Variants in TTC5 observed in about 807,000 individuals in gnomAD.
TTC5 encodes tetratricopeptide repeat domain 5.
A neutral mutation model predicts 57.4 loss-of-function variants in TTC5; 46 were observed. The ratio of observed to expected loss-of-function variants is 0.80; its 90% CI spans 0.63 to 1.03. The LOEUF (loss-of-function observed/expected upper bound fraction) is 1.03, where lower values mean the gene tolerates loss of function less well. Ranked by LOEUF, TTC5 falls within the 50% of genes least tolerant of loss-of-function variation. The pLI, the probability that TTC5 is intolerant of heterozygous loss-of-function variation, is 0.00. For missense variants in TTC5, 504 were observed against 528.1 expected, an observed-to-expected ratio of 0.95 and a Z score of 0.45; for synonymous variants, 190 against 203.5, an observed-to-expected ratio of 0.93 and a Z score of 0.57.
chr14:20,303,475 T>C (rs747379652), intron 1 of TTC5, among the ~76,000 whole-genome samples: 2 of 152,196 alleles, frequency 1.3e-5, no homozygotes, highest in Non-Finnish European at 2.9e-5. Flanking sequence ...CAGAAAGATA[T>C]AATCACTTCC....
Position 20,299,353 on chromosome 14 carries a change from A to G in TTC5, c.492T>C (p.Ser164=). The G allele has an allele frequency of 6.2e-7, 1 of 1,614,162 alleles. No homozygotes were observed. The highest frequency in any genetic ancestry group is 2.2e-5 in the East Asian group (1 of 44,876). Residue 164 remains serine, a synonymous_variant, in exon 4 of 10, where the codon AGT becomes AGC. Transcript: ENST00000258821. ...EDEHSHHVMD[S]VRQAKLAVQM... is the part of the protein sequence containing the mutation. Reference sequence around the variant, plus strand: ...GAACAGCCAACTTAGCCTGTCGGACACTGTCCATGACATGGTGAGAATGTT... The same window carrying G: ...GAACAGCCAACTTAGCCTGTCGGACGCTGTCCATGACATGGTGAGAATGTT...
intron 9 of TTC5, among the ~76,000 whole-genome samples, chr14:20,290,806 T>TTTC (rs1226668274): frequency 2.6e-5 from 4 of 152,200 alleles, no homozygotes; most frequent in African/African-American, 9.7e-5. Flanking sequence ...CATCAAAGTA[T>TTTC]TTCTGCAAAG....
At chr14:20,295,906 A>C in intron 6 of TTC5, 52 bp from the exon 7 acceptor site, 1 of 1,484,282 alleles carries the variant, frequency 6.7e-7, no homozygotes, top group Non-Finnish European at 9.0e-7. Context: ...AACTATCCCG[A>C]GGGAATGGCA....
At chr14:20,297,722 G>A (rs1037880567) in intron 5 of TTC5, among the ~76,000 whole-genome samples, 7 of 151,616 alleles carry the variant, frequency 4.6e-5, no homozygotes, top group South Asian at 2.1e-4. Flanking sequence ...GCAGTGAGCC[G>A]AGATCGTGCC....
Position 20,301,975 on chromosome 14 carries a change from A to G in TTC5, c.52-10T>C, listed in dbSNP as rs1397490210. On this transcript the variant is annotated splice_polypyrimidine_tract_variant and intron_variant, in intron 1 of 9. Coordinates refer to ENST00000258821, the MANE Select transcript of TTC5 (RefSeq NM_138376.3). ...GCTGATCCACGAGTTCCTAAAAAGT[A>G]TGACAATGGAACCATTAAGTGGAAA... 1 of 1,613,748 alleles carries G rather than the reference A, an allele frequency of 6.2e-7. No homozygotes were observed.
At chr14:20,302,898 CTTTTT>C (rs1882220184) in intron 1 of TTC5, among the ~76,000 whole-genome samples, 1 of 147,570 alleles carries the variant, frequency 6.8e-6, no homozygotes, top group East Asian at 2.0e-4. Flanking sequence ...TTTTTTTTTT[CTTTTT>C]TAAAAGACAG....
chr14:20,300,141 A>ATGTATGTGTGTG (rs1555311661), intron 3 of TTC5, among the ~76,000 whole-genome samples: 3 of 27,478 alleles, frequency 1.1e-4, no homozygotes. Flanking sequence ...CGTCTGGTCC[A>ATGTATGTGTGTG]TGTATATATA....
intron 4 of TTC5, 69 bp from the exon 5 acceptor site, chr14:20,298,957 C>G: frequency 8.0e-7 from 1 of 1,246,028 alleles, no homozygotes; most frequent in East Asian, 2.3e-5. Context: ...TTTGATCATT[C>G]TTGAAAGTAT....
chr14:20,297,712 G>T (rs993617434), intron 5 of TTC5, among the ~76,000 whole-genome samples: 1 of 151,928 alleles, frequency 6.6e-6, no homozygotes, highest in Middle Eastern at 3.2e-3. Context: ...CACGGAGGTT[G>T]CAGTGAGCCG....
At chr14:20,299,507 T>C in intron 3 of TTC5, 59 bp from the exon 4 acceptor site, 1 of 1,556,236 alleles carries the variant, frequency 6.4e-7, no homozygotes, top group East Asian at 2.2e-5. Flanking sequence ...TTTCCAGATC[T>C]ATTCTGAACT....
chr14:20,304,023 CTGTT>C (rs1882242276), intron 1 of TTC5, among the ~76,000 whole-genome samples: 1 of 152,194 alleles, frequency 6.6e-6, no homozygotes, highest in Non-Finnish European at 1.5e-5. Flanking sequence ...CTCTCCTCTA[CTGTT>C]ATATCATACT....
At chr14:20,298,481 A>G (rs1882111078) in intron 5 of TTC5, among the ~76,000 whole-genome samples, 1 of 152,220 alleles carries the variant, frequency 6.6e-6, no homozygotes, top group African/African-American at 2.4e-5. Context: ...GTATTATTTT[A>G]ATAGACTTTT....
rs1243921269 is a variant in TTC5 at position 20,295,419 on chromosome 14, C to T, written c.951G>A (p.Val317=). Residue 317 remains valine, a synonymous_variant, in exon 8 of 10, where the codon GTG becomes GTA. Coordinates refer to ENST00000258821, the MANE Select transcript of TTC5 (RefSeq NM_138376.3). ...GHYQSASGQK[V]TLELKPLSTL... is the part of the protein sequence containing the mutation. ...TACTCAGTGGCTTGAGCTCCAGGGT[C>T]ACTTTCTGCCCAGAGGCTGACTGAT... 1.2e-6 allele frequency: 2 copies of T among 1,614,078 alleles called. No homozygotes were observed. The highest frequency in any genetic ancestry group is 1.7e-6 in the Non-Finnish European group (2 of 1,180,042).
chr14:20,289,595 C>T lies in TTC5; in HGVS notation c.*32G>A. 1.9e-6 allele frequency: 3 copies of T among 1,598,616 alleles called. No individual in the cohort carries two copies. Among genetic ancestry groups the T allele is most frequent in the South Asian group, 1.1e-5 (1 of 88,794 alleles). ...GCTGTCCAGAGCCTTGTCTCCTCTC[C>T]TCCACTCCCTGTTGAGCATGCAAGT... On this transcript the variant is annotated 3_prime_UTR_variant, in exon 10 of 10. Coordinates refer to ENST00000258821, the MANE Select transcript of TTC5 (RefSeq NM_138376.3).
At chr14:20,295,614 G>A in intron 7 of TTC5, 88 bp from the exon 8 acceptor site, 1 of 1,546,910 alleles carries the variant, frequency 6.5e-7, no homozygotes, top group Non-Finnish European at 8.7e-7. Context: ...CTTCTATAGG[G>A]TCTCTACCTC....
Position 20,289,792 on chromosome 14 carries a change from G to A in TTC5, c.1204-46C>T, listed in dbSNP as rs1214777799. The A allele has an allele frequency of 2.6e-6, 4 of 1,562,318 alleles. No individual in the cohort carries two copies. In the South Asian group the frequency reaches 4.8e-5, roughly 19 times the overall value. ...AAGGTTCACTACAGATTCCAAGATG[G>A]AAAAAGCTCCAGCATGGGGATACAC... is the stretch of plus-strand genomic sequence containing the variant. On this transcript the variant is annotated intron_variant, in intron 9 of 9. Transcript: ENST00000258821.
At chr14:20,293,195 G>GTAAAA (rs1203686556) in intron 8 of TTC5, 1 of 152,172 alleles carries the variant, frequency 6.6e-6, no homozygotes, top group Non-Finnish European at 1.5e-5. Flanking sequence ...AATAAGCTAA[G>GTAAAA]TAAAATAAAA....
rs1266789808 is a variant in TTC5 at position 20,286,291 on chromosome 14, G to A, written c.*3336C>T. On this transcript the variant is annotated 3_prime_UTR_variant, in exon 10 of 10. Coordinates refer to ENST00000258821, the MANE Select transcript of TTC5 (RefSeq NM_138376.3). ...ATGGATTAGTATCCAGAACATGTAA[G>A]GAATCAATAAGAAGACAACCCAATA... 1 of 151,904 alleles carries A rather than the reference G, an allele frequency of 6.6e-6. No individual in the cohort carries two copies. The highest frequency in any genetic ancestry group is 6.6e-5 in the Admixed American group (1 of 15,258). 9.4% of individuals were successfully genotyped at this position (151,904 alleles called of 1,614,324 possible). A position where few individuals can be genotyped will look rare whatever the true frequency, so the allele number is the denominator to read the frequency against.
At chr14:20,299,598 G>A (rs1033670995) in intron 3 of TTC5, 150 bp from the exon 4 acceptor site, 4 of 850,302 alleles carry the variant, frequency 4.7e-6, no homozygotes, top group Non-Finnish European at 7.5e-6. Context: ...CTGTCACCCA[G>A]GCTGAAGTGC....
Sources: allele counts gnomAD v4.1 joint callset (sites outside exome capture counted in the v4.1 genomes callset), GRCh38; gene constraint gnomAD v4.1.1; transcripts MANE v1.5; gene names NCBI Gene and HGNC (gene_info 2026-07-23, HGNC 2026-07-21).